Variants in TCF20 observed in about 807,000 individuals in gnomAD.
TCF20 encodes the protein SPRE-binding protein.
TCF20 carries 3 observed loss-of-function variants against 148.6 expected under a neutral mutation model. The observed-to-expected ratio is 0.02, with a 90% CI of 0.01 to 0.05. The LOEUF is 0.05. Ranked by LOEUF, TCF20 falls within the 10% of genes least tolerant of loss-of-function variation. The probability of loss-of-function intolerance (pLI) is 1.00; values close to 1 mark genes in which losing one functional copy is unlikely to be tolerated. For missense variants in TCF20, 2,350 were observed against 2,429.3 expected (o/e 0.97, Z 0.69); for synonymous variants, 1,049 against 909.5 (o/e 1.15, Z -2.76).
At chr22:42,281,112 C>T (rs1926893060) in intron 1 of TCF20, among the ~76,000 whole-genome samples, 1 of 152,216 alleles carries the variant, frequency 6.6e-6, no homozygotes, top group Non-Finnish European at 1.5e-5. Context: ...CTGAACCCTT[C>T]ACCCCTTGAT....
At position 42,212,234 on chromosome 22, in the gene TCF20, T is replaced by C. The variant is rs557229114; in HGVS notation, c.3072A>G (p.Arg1024=). ...EKLKMSPGRS[R]GPGGDPHHMN... ...TGTGATGAGGGTCTCCCCCTGGGCC[T>C]CTGCTCCGCCCAGGAGACATTTTCA... Residue 1024 remains arginine, a synonymous_variant, in exon 2 of 6, where the codon AGA becomes AGG. Coordinates refer to ENST00000677622, the MANE Select transcript of TCF20 (RefSeq NM_001378418.1). The C allele has an allele frequency of 1.0e-4, 166 of 1,614,104 alleles. 1 individual carries two copies. The highest frequency in any genetic ancestry group is 1.3e-4 in the Non-Finnish European group (155 of 1,180,050).
chr22:42,252,740 C>T (rs528521275), intron 1 of TCF20, among the ~76,000 whole-genome samples: 13 of 152,270 alleles, frequency 8.5e-5, no homozygotes, highest in Non-Finnish European at 1.6e-4. Flanking sequence ...GTGTGAGCCA[C>T]GGTGCCCAGC....
chr22:42,256,380 A>C (rs536891563), intron 1 of TCF20, among the ~76,000 whole-genome samples: 61 of 151,876 alleles, frequency 4.0e-4, no homozygotes, highest in African/African-American at 1.3e-3. Context: ...ATTTTCTCTG[A>C]TGTGTTTCAT....
At chr22:42,227,371 A>G (rs1361224843) in intron 1 of TCF20, among the ~76,000 whole-genome samples, 1 of 152,214 alleles carries the variant, frequency 6.6e-6, no homozygotes, top group Non-Finnish European at 1.5e-5. Context: ...GAGATTCTCC[A>G]ACTGATGCTT....
intron 1 of TCF20, among the ~76,000 whole-genome samples, chr22:42,228,755 G>C (rs974971540): frequency 2.0e-4 from 30 of 152,160 alleles, no homozygotes; most frequent in African/African-American, 6.8e-4. Flanking sequence ...AAATGGGAAG[G>C]TCATTAGCAC....
intron 1 of TCF20, among the ~76,000 whole-genome samples, chr22:42,303,397 C>T (rs1405822935): frequency 2.0e-5 from 3 of 152,274 alleles, no homozygotes; most frequent in South Asian, 2.1e-4. Context: ...CAGACAGAAA[C>T]GGCTCATCCT....
At chr22:42,161,388 C>T (rs1314774812) in intron 5 of TCF20, 30 bp from the exon 6 acceptor site, 1 of 1,613,860 alleles carries the variant, frequency 6.2e-7, no homozygotes, top group Non-Finnish European at 8.5e-7. Context: ...CAGTGAAGGC[C>T]AGGAGCCTCC....
intron 3 of TCF20, among the ~76,000 whole-genome samples, chr22:42,176,585 G>A (rs1340195236): frequency 6.6e-6 from 1 of 152,188 alleles, no homozygotes; most frequent in Non-Finnish European, 1.5e-5. Flanking sequence ...CAGAGAGGGG[G>A]CATGCACATG....
chr22:42,186,773 A>G (rs1285073581), intron 2 of TCF20, among the ~76,000 whole-genome samples: 2 of 152,198 alleles, frequency 1.3e-5, no homozygotes, highest in African/African-American at 4.8e-5. Context: ...CCTATCTGGG[A>G]CCAATACAAA....
chr22:42,319,788 G>A (rs2147048810), intron 1 of TCF20, among the ~76,000 whole-genome samples: 1 of 152,306 alleles, frequency 6.6e-6, no homozygotes, highest in African/African-American at 2.4e-5. Flanking sequence ...ACGGTGGACA[G>A]GCGAGGAGGC....
intron 1 of TCF20, among the ~76,000 whole-genome samples, chr22:42,243,475 G>C (rs1393481193): frequency 6.6e-6 from 1 of 151,722 alleles, no homozygotes; most frequent in South Asian, 2.1e-4. Context: ...GGTGGTGGGT[G>C]CCTGTAATCC....
intron 1 of TCF20, among the ~76,000 whole-genome samples, chr22:42,232,420 C>T (rs1923502970): frequency 2.0e-5 from 3 of 151,986 alleles, no homozygotes; most frequent in Non-Finnish European, 4.4e-5. Flanking sequence ...AAACAACGTA[C>T]CACCAGCACC....
rs73886019 is a variant in TCF20, at chr22:42,293,326, T to G, written c.-37+50153A>C. ...CAGGATTCAGAGTATTGTCCCTAGG[T>G]GGGTGCCAAACAAAAAGGGCAAAGG... On this transcript the variant is annotated intron_variant, in intron 1 of 1. Coordinates refer to the TCF20 transcript ENST00000515426. Among the ~76,000 whole-genome samples the G allele has an allele frequency of 4.7e-3, 708 of 152,222 alleles. 5 individuals carry two copies. The highest frequency in any genetic ancestry group is 0.016 in the African/African-American group (657 of 41,534).
chr22:42,282,828 T>C (rs1231140729), intron 1 of TCF20, among the ~76,000 whole-genome samples: 1 of 151,846 alleles, frequency 6.6e-6, no homozygotes, highest in Non-Finnish European at 1.5e-5. Context: ...GGCCTGTCTG[T>C]CTCCAGCTCT....
At chr22:42,259,931 G>C (rs1925940260) in intron 1 of TCF20, among the ~76,000 whole-genome samples, 1 of 152,164 alleles carries the variant, frequency 6.6e-6, no homozygotes, top group African/African-American at 2.4e-5. Flanking sequence ...CCTGGGCAAA[G>C]TGAGACCCTT....
chr22:42,182,201 C>T (rs555888574), intron 2 of TCF20, among the ~76,000 whole-genome samples: 3 of 152,332 alleles, frequency 2.0e-5, no homozygotes, highest in Non-Finnish European at 4.4e-5. Context: ...TAAATAACTG[C>T]CTGGTAAGTG....
chr22:42,174,850 A>G (rs1230894501), intron 3 of TCF20, among the ~76,000 whole-genome samples: 1 of 152,038 alleles, frequency 6.6e-6, no homozygotes, highest in Non-Finnish European at 1.5e-5. Flanking sequence ...CCCGGCTAAC[A>G]CGGTGAAACC....
intron 1 of TCF20, among the ~76,000 whole-genome samples, chr22:42,249,272 G>A (rs1925170349): frequency 6.6e-6 from 1 of 152,174 alleles, no homozygotes. Flanking sequence ...GCATCCCAGG[G>A]TCTCAAGCCT....
intron 1 of TCF20, among the ~76,000 whole-genome samples, chr22:42,257,940 A>G (rs543033645): frequency 3.3e-5 from 5 of 152,340 alleles, no homozygotes; most frequent in African/African-American, 7.2e-5. Flanking sequence ...TGCTACATGC[A>G]TATTTTTTAA....
Sources: gnomAD v4.1 joint callset for allele counts (sites outside exome capture counted in the v4.1 genomes callset) on GRCh38, gnomAD v4.1.1 for gene constraint, MANE v1.5 for transcripts, NCBI Gene and HGNC (gene_info 2026-07-23, HGNC 2026-07-21) for gene names.